The following ATL1 variants were observed in gnomAD, a reference collection of about 807,000 sequenced individuals.
ATL1 encodes atlastin GTPase 1.
A neutral mutation model predicts 75.5 loss-of-function variants in ATL1; 31 were observed. The observed-to-expected ratio is 0.41, with a 90% confidence interval of 0.31 to 0.55. ATL1 has a LOEUF of 0.55. Among genes scored for constraint, ATL1 ranks in the 20% least tolerant of loss-of-function variants. The pLI is 0.27. For synonymous variants in ATL1, 226 were observed against 233.3 expected (o/e 0.97, Z 0.28); for missense variants, 405 against 662.6 (o/e 0.61, Z 4.27).
chr14:50,591,817 G>T (rs992098994), intron 4 of ATL1, 178 bp downstream of exon 4: 4 of 568,144 alleles, frequency 7.0e-6, no homozygotes, highest in Non-Finnish European at 9.4e-6. Flanking sequence ...TTTTGTTACT[G>T]TAGTTTAATT....
At chr14:50,605,279 AT>A (rs1167461966) in intron 6 of ATL1, among the ~76,000 whole-genome samples, 1 of 151,068 alleles carries the variant, frequency 6.6e-6, no homozygotes, top group Non-Finnish European at 1.5e-5. Flanking sequence ...AGACTTCCCT[AT>A]CTATAGGTTC....
chr14:50,622,660 A>G (rs1390692450), intron 10 of ATL1, among the ~76,000 whole-genome samples: 1 of 152,056 alleles, frequency 6.6e-6, no homozygotes, highest in Non-Finnish European at 1.5e-5. Flanking sequence ...AGCAAGACTC[A>G]GTCTCAAAAA....
In ATL1 at chr14:50,613,892, A is replaced by T. The variant is rs550884561; in HGVS notation, c.724-481A>T. ...AACTATCAAATATGTATTTACATAA[A>T]GTGGGAGGTGAGGGTGATTTAGCTT... is the stretch of plus-strand genomic sequence containing the variant. On this transcript the variant is annotated intron_variant, in intron 7 of 13. Coordinates refer to ENST00000358385, the MANE Select transcript of ATL1 (RefSeq NM_015915.5). 1.6e-4 allele frequency among the ~76,000 whole-genome samples: 25 copies of T among 152,314 alleles called. No individual in the cohort carries two copies. In the South Asian group the frequency reaches 5.0e-3, roughly 30 times the overall value.
rs189683294 is a variant in ATL1, at chr14:50,576,188, T to C, written c.35-11643T>C. ...TTATAAAATAGGCTTTGTGTTAGAT[T>C]ATCTCACCCAGTTGTAGGCTAACGT... On this transcript the variant is annotated intron_variant, in intron 1 of 13. Transcript: ENST00000358385. Among the ~76,000 whole-genome samples the C allele has an allele frequency of 1.9e-3, 296 of 152,340 alleles. 4 individuals are homozygous for C. The highest frequency in any genetic ancestry group is 0.011 in the Admixed American group (169 of 15,300).
At position 50,591,549 on chromosome 14, in the gene ATL1, G is replaced by A; in HGVS notation, c.432G>A (p.Leu144=). The change falls in exon 4 of 14, where the codon TTG becomes TTA. Residue 144 remains leucine, a synonymous_variant. Transcript: ENST00000358385. Reference sequence around the variant, plus strand: ...CTTGCCTGTAGGTTGCAGTGTTATTGATGGATACTCAGGGAACCTTTGATA... The same window carrying A: ...CTTGCCTGTAGGTTGCAGTGTTATTAATGGATACTCAGGGAACCTTTGATA... ...KPDGKKVAVL[L]MDTQGTFDSQ... is the part of the protein sequence containing the mutation. 1.2e-6 allele frequency: 2 copies of A among 1,613,122 alleles called. No homozygotes were observed. The highest frequency in any genetic ancestry group is 1.7e-6 in the Non-Finnish European group (2 of 1,179,320).
At chr14:50,585,262 C>T (rs921167525) in intron 1 of ATL1, among the ~76,000 whole-genome samples, 3 of 152,166 alleles carry the variant, frequency 2.0e-5, no homozygotes, top group Non-Finnish European at 2.9e-5. Context: ...AAACTTACAA[C>T]CCAGAAATTC....
At chr14:50,541,230 T>C (rs1400420554) in intron 1 of ATL1, among the ~76,000 whole-genome samples, 1 of 152,252 alleles carries the variant, frequency 6.6e-6, no homozygotes, top group Admixed American at 6.5e-5. Context: ...TAGAGTATCA[T>C]TCCAGAGGGA....
chr14:50,607,068 A>G (rs1005885314), intron 6 of ATL1, among the ~76,000 whole-genome samples: 3 of 152,082 alleles, frequency 2.0e-5, no homozygotes, highest in Non-Finnish European at 2.9e-5. Flanking sequence ...CAAGAGCTCA[A>G]TGAAGCAAAT....
At chr14:50,593,988 T>G in intron 5 of ATL1, 92 bp downstream of exon 5, 1 of 971,846 alleles carries the variant, frequency 1.0e-6, no homozygotes, top group Non-Finnish European at 1.6e-6. Flanking sequence ...CATAATCAGA[T>G]TCTGATTCTG....
At chr14:50,593,205 T>C (rs3015456) in intron 4 of ATL1, among the ~76,000 whole-genome samples, 44,709 of 151,750 alleles carry the variant, frequency 0.29, 9,345 homozygotes, top group African/African-American at 0.6. Flanking sequence ...AATCTGCTAA[T>C]TCCTTAGTAA....
intron 1 of ATL1, among the ~76,000 whole-genome samples, chr14:50,563,091 G>T (rs2038867479): frequency 6.6e-6 from 1 of 152,144 alleles, no homozygotes; most frequent in Non-Finnish European, 1.5e-5. Context: ...TTTGTTGAAT[G>T]GATAATACCT....
At chr14:50,557,869 AAGAT>A (rs777474219), upstream of ATL1, among the ~76,000 whole-genome samples, 49 of 152,194 alleles carry the variant, frequency 3.2e-4, no homozygotes, top group Non-Finnish European at 6.0e-4. Context: ...TTCTAGTTCT[AAGAT>A]AGGGAAAATA....
intron 1 of ATL1, among the ~76,000 whole-genome samples, chr14:50,542,060 T>C (rs1279868674): frequency 6.9e-6 from 1 of 144,300 alleles, no homozygotes; most frequent in African/African-American, 2.6e-5. Context: ...AATATGCTGT[T>C]ATCTGCTGAC....
intron 1 of ATL1, among the ~76,000 whole-genome samples, chr14:50,580,888 A>C (rs913023275): frequency 6.6e-6 from 1 of 152,064 alleles, no homozygotes; most frequent in East Asian, 1.9e-4. Context: ...TAGGTATAAC[A>C]GTATTCATAG....
chr14:50,547,014 T>G (rs986436792), intron 1 of ATL1, among the ~76,000 whole-genome samples: 3 of 152,020 alleles, frequency 2.0e-5, no homozygotes, highest in Admixed American at 2.0e-4. Flanking sequence ...CAGGCCCTGG[T>G]GTTTCTCACT....
chr14:50,574,824 A>T (rs1053557130), intron 1 of ATL1, among the ~76,000 whole-genome samples: 3 of 150,860 alleles, frequency 2.0e-5, no homozygotes, highest in African/African-American at 7.3e-5. Context: ...GTTGTCATGA[A>T]CCTCTATGTA....
intron 8 of ATL1, among the ~76,000 whole-genome samples, chr14:50,614,766 A>T (rs2140227281): frequency 6.6e-6 from 1 of 152,208 alleles, no homozygotes; most frequent in East Asian, 1.9e-4. Context: ...AGTAACCCTC[A>T]CCTTCTTATC....
chr14:50,618,811 TCTTG>T (rs1241788778), intron 8 of ATL1, among the ~76,000 whole-genome samples: 1 of 152,004 alleles, frequency 6.6e-6, no homozygotes, highest in African/African-American at 2.4e-5. Flanking sequence ...ACTGGACAGA[TCTTG>T]CTTTTTTACA....
At chr14:50,609,466 G>A (rs1191256464) in intron 6 of ATL1, among the ~76,000 whole-genome samples, 1 of 151,934 alleles carries the variant, frequency 6.6e-6, no homozygotes, top group Non-Finnish European at 1.5e-5. Flanking sequence ...TGTTGTGTAT[G>A]TATTAGAGCA....
Sources: allele counts gnomAD v4.1 joint callset (sites outside exome capture counted in the v4.1 genomes callset), GRCh38; gene constraint gnomAD v4.1.1; transcripts MANE v1.5; gene names NCBI Gene and HGNC (gene_info 2026-07-23, HGNC 2026-07-21).